UGP2: variants seen among roughly 807,000 people sequenced by gnomAD.
UGP2 encodes the protein UDP-glucose pyrophosphorylase 2.
Under a neutral mutation model 49.0 loss-of-function variants are expected in UGP2, and 40 were observed. The observed-to-expected ratio is 0.82, with a 90% CI of 0.63 to 1.06. The LOEUF (loss-of-function observed/expected upper bound fraction) is 1.06. Ranked by LOEUF, UGP2 falls within the 50% of genes least tolerant of loss-of-function variation. The probability of loss-of-function intolerance (pLI) is 0.00; values close to 1 mark genes in which losing one functional copy is unlikely to be tolerated. For synonymous variants in UGP2, 225 were observed against 213.0 expected, an observed-to-expected ratio of 1.06 and a Z score of -0.49; for missense variants, 460 against 603.5, an observed-to-expected ratio of 0.76 and a Z score of 2.49.
intron 9 of UGP2, among the ~76,000 whole-genome samples, chr2:63,890,708 T>C (rs549990341): frequency 5.0e-4 from 76 of 152,338 alleles, no homozygotes; most frequent in Non-Finnish European, 9.7e-4. Context: ...GCCTAAAGAC[T>C]TAAGACATGA....
At chr2:63,877,969 C>T (rs886100080) in intron 3 of UGP2, among the ~76,000 whole-genome samples, 1 of 121,950 alleles carries the variant, frequency 8.2e-6, no homozygotes, top group South Asian at 2.8e-4. Context: ...GTCCGCAGTC[C>T]GGCCTGGGCG....
chr2:63,853,046 A>G (rs1216295904), intron 1 of UGP2, among the ~76,000 whole-genome samples: 1 of 152,110 alleles, frequency 6.6e-6, no homozygotes, highest in Non-Finnish European at 1.5e-5. Context: ...AGTGATCAGT[A>G]AGGAGAGTGG....
chr2:63,867,931 C>T (rs556464217), intron 3 of UGP2, among the ~76,000 whole-genome samples: 1 of 152,240 alleles, frequency 6.6e-6, no homozygotes, highest in African/African-American at 2.4e-5. Flanking sequence ...TGCAGGAGGC[C>T]TCTAGTCTGT....
Position 63,887,539 on chromosome 2 carries a change from G to A in UGP2, c.1209G>A (p.Leu403=), listed in dbSNP as rs1161371234. 2.5e-6 allele frequency: 4 copies of A among 1,614,074 alleles called. No individual in the cohort carries two copies. Among genetic ancestry groups the A allele is most frequent in the Non-Finnish European group, 2.5e-6 (3 of 1,179,996 alleles). Residue 403 remains leucine, a synonymous_variant, in exon 8 of 10, where the codon CTG becomes CTA. Coordinates refer to ENST00000337130, the MANE Select transcript of UGP2 (RefSeq NM_006759.4). The part of the protein sequence containing the change: ...LPVKTTSDLL[L]VMSNLYSLNA... Reference sequence around the variant, plus strand: ...TCAAAACCACATCAGATCTCTTGCTGGTGATGTCAAACCTCTATAGTCTTA... The same window carrying A: ...TCAAAACCACATCAGATCTCTTGCTAGTGATGTCAAACCTCTATAGTCTTA...
chr2:63,869,887 T>C (rs112065029), intron 3 of UGP2, among the ~76,000 whole-genome samples: 9 of 152,256 alleles, frequency 5.9e-5, no homozygotes, highest in African/African-American at 1.9e-4. Flanking sequence ...CTTTCCATAG[T>C]GTTAGTAACA....
chr2:63,844,832 G>C (rs1671822699), intron 1 of UGP2, among the ~76,000 whole-genome samples: 1 of 152,146 alleles, frequency 6.6e-6, no homozygotes, highest in African/African-American at 2.4e-5. Context: ...AGAGTACTGG[G>C]ATTACAGGTG....
rs924905917 is a variant in UGP2, at chr2:63,856,355, C to T, written c.69C>T (p.Val23=). ...ATGGTGCTTCTCAGTTCCAAGAAGTCATTCGGCAAGAGCTAGAATTATCTG... is the reference window on the plus strand; with the variant it reads ...ATGGTGCTTCTCAGTTCCAAGAAGTTATTCGGCAAGAGCTAGAATTATCTG... ...SQDGASQFQE[V]IRQELELSVK... is the part of the protein sequence containing the mutation. Residue 23 remains valine, a synonymous_variant, in exon 2 of 10, where the codon GTC becomes GTT. Transcript: ENST00000337130. 12 of 1,613,838 alleles carry T rather than the reference C, an allele frequency of 7.4e-6. No individual in the cohort carries two copies. Among genetic ancestry groups the T allele is most frequent in the Non-Finnish European group, 1.0e-5 (12 of 1,180,028 alleles).
chr2:63,868,356 A>G (rs1195428209), intron 3 of UGP2, among the ~76,000 whole-genome samples: 1 of 152,214 alleles, frequency 6.6e-6, no homozygotes, highest in Non-Finnish European at 1.5e-5. Flanking sequence ...ATCTATCATT[A>G]AGCATGGCAA....
intron 3 of UGP2, among the ~76,000 whole-genome samples, chr2:63,861,153 A>G (rs901671996): frequency 2.6e-5 from 4 of 152,034 alleles, no homozygotes; most frequent in African/African-American, 9.6e-5. Flanking sequence ...TAACTACATA[A>G]GTAAAAAAAT....
chr2:63,891,264 G>C lies in UGP2; in HGVS notation c.*37G>C. ...CTGTGGACACTTAAATAATGGGCTA[G>C]TTTCTTACAATGAAATGTTCTCTAG... is the stretch of plus-strand genomic sequence containing the variant. On this transcript the variant is annotated 3_prime_UTR_variant, in exon 10 of 10. Transcript: ENST00000337130. 6 of 1,536,344 alleles carry C rather than the reference G, an allele frequency of 3.9e-6. No homozygotes were observed. Among genetic ancestry groups the C allele is most frequent in the Non-Finnish European group, 5.4e-6 (6 of 1,111,702 alleles).
intron 3 of UGP2, among the ~76,000 whole-genome samples, chr2:63,869,151 G>A (rs1220097660): frequency 6.6e-6 from 1 of 152,028 alleles, no homozygotes; most frequent in Non-Finnish European, 1.5e-5. Flanking sequence ...TATGTAACGT[G>A]ATTTCAAGTA....
chr2:63,884,240 T>C, intron 5 of UGP2, 147 bp downstream of exon 5: 2 of 937,788 alleles, frequency 2.1e-6, no homozygotes, highest in Non-Finnish European at 1.6e-6. Flanking sequence ...TGAGCATTTG[T>C]TGATATGTGA....
chr2:63,867,923 CAGG>C (rs1013171943), intron 3 of UGP2, among the ~76,000 whole-genome samples: 1 of 152,152 alleles, frequency 6.6e-6, no homozygotes, highest in African/African-American at 2.4e-5. Context: ...TTCAGGATTG[CAGG>C]AGGCCTCTAG....
intron 9 of UGP2, among the ~76,000 whole-genome samples, 171 bp downstream of exon 9, chr2:63,890,356 G>A (rs1672023583): frequency 6.6e-6 from 1 of 152,056 alleles, no homozygotes; most frequent in Admixed American, 6.6e-5. Context: ...ATCACTATTA[G>A]CATTAGCTTA....
upstream of UGP2, chr2:63,840,978 G>A (rs939636732): frequency 1.3e-5 from 2 of 152,396 alleles, no homozygotes; most frequent in African/African-American, 2.4e-5. Context: ...CGCATTGAAG[G>A]GGCTGCTCCG....
intron 3 of UGP2, among the ~76,000 whole-genome samples, chr2:63,868,951 G>A (rs1213183187): frequency 6.6e-6 from 1 of 150,786 alleles, no homozygotes; most frequent in African/African-American, 2.4e-5. Flanking sequence ...GGCGACAAGA[G>A]TGAAACTCCA....
At chr2:63,862,950 T>G in intron 3 of UGP2, 1 of 439,702 alleles carries the variant, frequency 2.3e-6, no homozygotes, top group South Asian at 1.6e-5. Context: ...GAACTCCATT[T>G]CTGTTAGCAT....
chr2:63,853,083 C>T (rs1362336215), intron 1 of UGP2, among the ~76,000 whole-genome samples: 1 of 151,990 alleles, frequency 6.6e-6, no homozygotes, highest in Non-Finnish European at 1.5e-5. Context: ...AAAAAATGGT[C>T]TGGGGACAGA....
Position 63,885,619 on chromosome 2 carries a change from TC to T in UGP2, c.608del (p.Pro203LeufsTer2), listed in dbSNP as rs756285597. 1.9e-6 allele frequency: 3 copies of T among 1,576,138 alleles called. No homozygotes were observed. Among genetic ancestry groups the T allele is most frequent in the Admixed American group, 2.0e-5 (1 of 49,152 alleles). On this transcript the variant is annotated frameshift_variant, in exon 6 of 10. Transcript: ENST00000337130. LOFTEE classifies it high-confidence loss of function. The part of the protein sequence containing the change: ...YPRINKESLL[P>X]VAKDVSYSGE... ...CGAGGATTAATAAAGAATCTTTACTTCCTGTAGCAAAGGACGTGTCTTACTC... is the reference window on the plus strand; with the variant it reads ...CGAGGATTAATAAAGAATCTTTACTTCTGTAGCAAAGGACGTGTCTTACTC...
Sources: allele counts gnomAD v4.1 joint callset (sites outside exome capture counted in the v4.1 genomes callset), GRCh38; gene constraint gnomAD v4.1.1; transcripts MANE v1.5; gene names NCBI Gene and HGNC (gene_info 2026-07-23, HGNC 2026-07-21).